UMAD1: variants seen among roughly 807,000 people sequenced by gnomAD.
UMAD1 encodes the protein UBAP1-MVB12-associated (UMA) domain containing 1.
UMAD1 carries 8 observed loss-of-function variants against 6.1 expected under a neutral mutation model. The observed-to-expected ratio is 1.30, with a 90% CI of 0.76 to 2.35. The LOEUF (loss-of-function observed/expected upper bound fraction) is 2.35. Ranked by LOEUF, UMAD1 falls within the 30% of genes most tolerant of loss-of-function variation. UMAD1 has a pLI of 0.00. For missense variants in UMAD1, 130 were observed against 78.4 expected, an observed-to-expected ratio of 1.66 and a Z score of -2.49; for synonymous variants, 56 against 31.4, an observed-to-expected ratio of 1.78 and a Z score of -2.61.
At chr7:7,844,597 A>G (rs1164733431) in intron 3 of UMAD1, among the ~76,000 whole-genome samples, 2 of 152,194 alleles carry the variant, frequency 1.3e-5, no homozygotes, top group African/African-American at 4.8e-5. Context: ...GACTTCACCT[A>G]ACACATGATT....
At chr7:7,796,087 G>A (rs1052639428) in intron 2 of UMAD1, among the ~76,000 whole-genome samples, 1 of 151,982 alleles carries the variant, frequency 6.6e-6, no homozygotes, top group Non-Finnish European at 1.5e-5. Flanking sequence ...ACAGGAGAGT[G>A]GAGAGAGGCC....
At chr7:7,783,573 T>A (rs1782394848) in intron 2 of UMAD1, among the ~76,000 whole-genome samples, 1 of 152,152 alleles carries the variant, frequency 6.6e-6, no homozygotes, top group Non-Finnish European at 1.5e-5. Context: ...GCCAAAATAA[T>A]CTCAAAGGCT....
intron 2 of UMAD1, among the ~76,000 whole-genome samples, chr7:7,790,012 G>T (rs976034520): frequency 2.6e-5 from 4 of 152,098 alleles, no homozygotes; most frequent in Non-Finnish European, 5.9e-5. Context: ...TATTTTTTAC[G>T]TATTAGAATG....
chr7:7,654,100 C>A (rs150601602), intron 1 of UMAD1, among the ~76,000 whole-genome samples: 12 of 152,224 alleles, frequency 7.9e-5, no homozygotes, highest in African/African-American at 2.4e-4. Flanking sequence ...GCTAGGCTAC[C>A]CTTCTTGATT....
intron 3 of UMAD1, among the ~76,000 whole-genome samples, chr7:7,823,136 A>G (rs1029813583): frequency 6.6e-6 from 1 of 152,156 alleles, no homozygotes; most frequent in African/African-American, 2.4e-5. Context: ...ATAATTAGTC[A>G]TTTAAGCTCA....
chr7:7,726,837 G>A (rs185294710), intron 2 of UMAD1, among the ~76,000 whole-genome samples: 16 of 152,300 alleles, frequency 1.1e-4, no homozygotes, highest in Admixed American at 9.8e-4. Context: ...GGGAGATACA[G>A]TGTTGGCTGG....
rs558286398 is a variant in UMAD1 at position 7,661,505 on chromosome 7, A to G, written c.-63-11804A>G. 2.6e-5 allele frequency among the ~76,000 whole-genome samples: 4 copies of G among 152,110 alleles called. No homozygotes were observed. In the South Asian group the frequency reaches 8.3e-4, roughly 32 times the overall value. On this transcript the variant is annotated intron_variant, in intron 1 of 3. Transcript: ENST00000682710. ...TCAGTGGGGTTTCTGAGTGGACATC[A>G]TTTTGTTGATGTTGATGCTCCTCCT...
chr7:7,761,949 A>G (rs1268638182), intron 2 of UMAD1, among the ~76,000 whole-genome samples: 1 of 151,986 alleles, frequency 6.6e-6, no homozygotes, highest in African/African-American at 2.4e-5. Flanking sequence ...TTTTTTATAC[A>G]GTGGGCGCTC....
chr7:7,791,010 C>A lies in UMAD1; in HGVS notation c.83-10660C>A, dbSNP rs553584915. Among the ~76,000 whole-genome samples, 348 of 152,306 alleles carry A rather than the reference C, an allele frequency of 2.3e-3. 1 individual carries two copies. The highest frequency in any genetic ancestry group is 8.0e-3 in the African/African-American group (332 of 41,560). On this transcript the variant is annotated intron_variant, in intron 2 of 3. Coordinates refer to ENST00000682710, the MANE Select transcript of UMAD1 (RefSeq NM_001302348.2). ...GGCTCAAGCACTCCTCCTGTCTCAG[C>A]CCCCAAGTAGCTGGGACCAGAGGCC...
intron 2 of UMAD1, among the ~76,000 whole-genome samples, chr7:7,760,410 CAAA>C (rs1175199957): frequency 1.0e-3 from 108 of 106,596 alleles, no homozygotes; most frequent in Non-Finnish European, 1.7e-3. Flanking sequence ...CAAAAAAATA[CAAA>C]ATAATAATAA....
intron 2 of UMAD1, among the ~76,000 whole-genome samples, chr7:7,700,126 T>C (rs1780422035): frequency 6.6e-6 from 1 of 152,114 alleles, no homozygotes; most frequent in Admixed American, 6.6e-5. Flanking sequence ...AATAGAAATG[T>C]ATTTCTCAGA....
rs180852847 is a variant in UMAD1 at position 7,855,893 on chromosome 7, C to T, written c.157-21388C>T. On this transcript the variant is annotated intron_variant, in intron 3 of 3. Transcript: ENST00000682710. ...GATACCCTACATCGTCTCTCAAGTT[C>T]GAAGTTCCACAGATCTCTAGGGCAA... 8.8e-4 allele frequency among the ~76,000 whole-genome samples: 134 copies of T among 152,294 alleles called. 1 individual carries two copies. Among genetic ancestry groups the T allele is most frequent in the African/African-American group, 3.1e-3 (127 of 41,560 alleles).
intron 3 of UMAD1, among the ~76,000 whole-genome samples, chr7:7,874,268 T>G (rs1405400110): frequency 6.6e-6 from 1 of 152,200 alleles, no homozygotes; most frequent in African/African-American, 2.4e-5. Context: ...TCTAATCGAC[T>G]TCATAAGTAA....
At chr7:7,863,916 G>C (rs1046664696) in intron 3 of UMAD1, among the ~76,000 whole-genome samples, 1 of 152,202 alleles carries the variant, frequency 6.6e-6, no homozygotes, top group Non-Finnish European at 1.5e-5. Flanking sequence ...AGGATATTAG[G>C]GTTTAGCTTA....
At chr7:7,806,519 C>T (rs1204095979) in intron 3 of UMAD1, among the ~76,000 whole-genome samples, 3 of 152,100 alleles carry the variant, frequency 2.0e-5, no homozygotes, top group African/African-American at 7.2e-5. Flanking sequence ...AATGCCCTGT[C>T]AATGATTTCT....
In UMAD1 at chr7:7,684,950, A is replaced by G. The variant is rs531648077; in HGVS notation, c.82+11497A>G. 9.8e-5 allele frequency among the ~76,000 whole-genome samples: 15 copies of G among 152,338 alleles called. No individual in the cohort carries two copies. In the South Asian group the frequency reaches 2.1e-3, roughly 21 times the overall value. ...TAAGTATGCATACCATGTTATGTACATGGAATTTCTCCTACTGTTTCCTTA... is the reference window on the plus strand; with the variant it reads ...TAAGTATGCATACCATGTTATGTACGTGGAATTTCTCCTACTGTTTCCTTA... On this transcript the variant is annotated intron_variant, in intron 2 of 3. Transcript: ENST00000682710.
intron 2 of UMAD1, among the ~76,000 whole-genome samples, chr7:7,741,272 CA>C (rs113025119): frequency 4.3e-4 from 62 of 143,770 alleles, no homozygotes; most frequent in Admixed American, 4.2e-4. Context: ...AAAATAGTCT[CA>C]AAAAAAAAAA....
In UMAD1 at chr7:7,731,761, CAG is replaced by C. The variant is rs796864191; in HGVS notation, c.82+58310_82+58311del. 5.3e-5 allele frequency among the ~76,000 whole-genome samples: 8 copies of C among 152,240 alleles called. 1 individual carries two copies. Among genetic ancestry groups the C allele is most frequent in the African/African-American group, 1.9e-4 (8 of 41,544 alleles). On this transcript the variant is annotated intron_variant, in intron 2 of 3. Coordinates refer to ENST00000682710, the MANE Select transcript of UMAD1 (RefSeq NM_001302348.2). Reference sequence around the variant, plus strand: ...GAAATAAGCTGTTTGATCAGTGACTCAGAATCTTTATAATGATCCATTAAAAT... The same window carrying C: ...GAAATAAGCTGTTTGATCAGTGACTCAATCTTTATAATGATCCATTAAAAT...
intron 3 of UMAD1, among the ~76,000 whole-genome samples, chr7:7,872,409 A>G (rs775580505): frequency 1.3e-5 from 2 of 152,240 alleles, no homozygotes; most frequent in Non-Finnish European, 2.9e-5. Flanking sequence ...TAGTTGGTGG[A>G]ACAATCAGAA....
Sources: gnomAD v4.1 joint callset for allele counts (sites outside exome capture counted in the v4.1 genomes callset) on GRCh38, gnomAD v4.1.1 for gene constraint, MANE v1.5 for transcripts, NCBI Gene and HGNC (gene_info 2026-07-23, HGNC 2026-07-21) for gene names.